RELN: variants seen among roughly 807,000 people sequenced by gnomAD.
The protein encoded by RELN is reelin.
A neutral mutation model predicts 427.6 loss-of-function variants in RELN; 108 were observed. The observed-to-expected ratio is 0.25, with a 90% CI of 0.22 to 0.30. The LOEUF is 0.30. Among genes scored for constraint, RELN ranks in the 10% least tolerant of loss-of-function variants. The pLI is 1.00. For missense variants in RELN, 3,715 were observed against 4,302.8 expected, an observed-to-expected ratio of 0.86 and a Z score of 3.82; for synonymous variants, 1,524 against 1,513.4, an observed-to-expected ratio of 1.01 and a Z score of -0.16.
At chr7:103,595,347 T>C (rs939727169) in intron 25 of RELN, among the ~76,000 whole-genome samples, 2 of 152,200 alleles carry the variant, frequency 1.3e-5, no homozygotes, top group African/African-American at 4.8e-5. Context: ...TCCCACCCTT[T>C]TCCTATGATA....
chr7:103,537,709 C>G (rs1830085110), intron 45 of RELN, among the ~76,000 whole-genome samples: 1 of 152,184 alleles, frequency 6.6e-6, no homozygotes, highest in Admixed American at 6.5e-5. Flanking sequence ...AATCACCACA[C>G]TGTACTCTTC....
intron 4 of RELN, among the ~76,000 whole-genome samples, chr7:103,768,188 CT>C (rs1442486632): frequency 6.6e-6 from 1 of 152,054 alleles, no homozygotes. Context: ...TGTTTTACAG[CT>C]AGTGAATGAA....
chr7:103,674,549 A>T (rs144157406), intron 11 of RELN, among the ~76,000 whole-genome samples: 105 of 152,226 alleles, frequency 6.9e-4, no homozygotes, highest in African/African-American at 2.5e-3. Flanking sequence ...GATTCCCATG[A>T]GGGCACAGTG....
chr7:103,817,850 C>G (rs1041130589), intron 3 of RELN, among the ~76,000 whole-genome samples: 86 of 136,706 alleles, frequency 6.3e-4, no homozygotes, highest in African/African-American at 2.3e-3. Flanking sequence ...GAGGCTGAGG[C>G]AGGAGAATTG....
intron 3 of RELN, among the ~76,000 whole-genome samples, chr7:103,778,790 TC>T (rs1345724279): frequency 6.6e-6 from 1 of 152,186 alleles, no homozygotes; most frequent in Non-Finnish European, 1.5e-5. Flanking sequence ...ACCTTTAAGA[TC>T]ATCTGGTCAA....
intron 1 of RELN, among the ~76,000 whole-genome samples, chr7:103,919,937 CTT>C (rs1795575960): frequency 6.6e-6 from 1 of 152,184 alleles, no homozygotes; most frequent in Admixed American, 6.5e-5. Context: ...TAGAAGGAAA[CTT>C]ATAACTTTCA....
chr7:103,940,550 C>A (rs973371835), intron 1 of RELN, among the ~76,000 whole-genome samples: 1 of 152,206 alleles, frequency 6.6e-6, no homozygotes, highest in Admixed American at 6.5e-5. Context: ...TGCTGTCCAG[C>A]AGCTGCTATC....
intron 2 of RELN, among the ~76,000 whole-genome samples, chr7:103,854,001 A>G (rs989170457): frequency 3.3e-5 from 5 of 152,132 alleles, no homozygotes; most frequent in Admixed American, 1.3e-4. Flanking sequence ...ATAAATGATA[A>G]ATGTTTAAGG....
chr7:103,674,686 C>A (rs1833473811), intron 11 of RELN, among the ~76,000 whole-genome samples: 1 of 152,132 alleles, frequency 6.6e-6, no homozygotes, highest in Non-Finnish European at 1.5e-5. Flanking sequence ...AGCTTATCCA[C>A]CATGATCAAG....
intron 11 of RELN, among the ~76,000 whole-genome samples, chr7:103,666,402 T>C (rs560957521): frequency 7.7e-4 from 117 of 152,152 alleles, no homozygotes; most frequent in Non-Finnish European, 1.1e-3. Flanking sequence ...TTGCTTGTTC[T>C]TTTCTCATAG....
chr7:103,772,305 A>T (rs1791588287), intron 4 of RELN, among the ~76,000 whole-genome samples: 1 of 141,760 alleles, frequency 7.1e-6, no homozygotes, highest in Non-Finnish European at 1.5e-5. Context: ...TGCAATAAAT[A>T]GTTGTCAAAT....
chr7:103,507,037 C>A (rs1378052603), intron 51 of RELN, among the ~76,000 whole-genome samples: 1 of 152,116 alleles, frequency 6.6e-6, no homozygotes, highest in African/African-American at 2.4e-5. Flanking sequence ...CATAAAGCAA[C>A]TTCTTAGAGA....
At chr7:103,684,514 T>G (rs17154257) in intron 10 of RELN, among the ~76,000 whole-genome samples, 8,271 of 152,170 alleles carry the variant, frequency 0.054, 754 homozygotes, top group African/African-American at 0.19. Flanking sequence ...ATGAAGTGAA[T>G]AAATTAAGAT....
intron 6 of RELN, among the ~76,000 whole-genome samples, chr7:103,741,580 G>C (rs2116013797): frequency 6.6e-6 from 1 of 151,916 alleles, no homozygotes; most frequent in East Asian, 1.9e-4. Context: ...AGGAAGAAAA[G>C]GAGGGTGAGG....
chr7:103,701,933 G>A (rs1462555926), intron 8 of RELN, among the ~76,000 whole-genome samples: 1 of 152,206 alleles, frequency 6.6e-6, no homozygotes, highest in Non-Finnish European at 1.5e-5. Flanking sequence ...GTAGTGCTCA[G>A]GGGTTCCAAG....
intron 50 of RELN, 57 bp from the exon 51 acceptor site, chr7:103,511,062 A>C: frequency 7.7e-7 from 1 of 1,300,890 alleles, no homozygotes; most frequent in Non-Finnish European, 1.1e-6. Flanking sequence ...ACTTGAAGCA[A>C]ATTTTCACTT....
At chr7:103,901,738 G>A (rs1359052256) in intron 2 of RELN, among the ~76,000 whole-genome samples, 1 of 152,040 alleles carries the variant, frequency 6.6e-6, no homozygotes, top group East Asian at 1.9e-4. Flanking sequence ...GCCTGGGGAT[G>A]AGAGGTGGTA....
Position 103,482,759 on chromosome 7 carries a change from C to A in RELN, c.10280+114G>T, listed in dbSNP as rs754710534. ...GCAAAAGAGTGTAAGCCAAAGTGCT[C>A]CTGTGGGGGCTTCTCATCAAAAACG... On this transcript the variant is annotated intron_variant, in intron 63 of 64. Transcript: ENST00000428762. 4.5e-5 allele frequency: 70 copies of A among 1,567,030 alleles called. No individual in the cohort carries two copies. In the Middle Eastern group the frequency reaches 1.0e-3, roughly 23 times the overall value.
chr7:103,985,044 G>A (rs1012880086), intron 1 of RELN, among the ~76,000 whole-genome samples: 1 of 152,156 alleles, frequency 6.6e-6, no homozygotes, highest in Non-Finnish European at 1.5e-5. Flanking sequence ...ACTGGAAATT[G>A]TCAAAATAAA....
Sources: gnomAD v4.1 joint callset for allele counts (sites outside exome capture counted in the v4.1 genomes callset) on GRCh38, gnomAD v4.1.1 for gene constraint, MANE v1.5 for transcripts, NCBI Gene and HGNC (gene_info 2026-07-23, HGNC 2026-07-21) for gene names.